Variants in MGAM2 observed in about 807,000 individuals in gnomAD.
The protein encoded by MGAM2 is maltase-glucoamylase 2 (putative), also known as probable maltase-glucoamylase 2.
MGAM2 carries 98 observed loss-of-function variants against 96.1 expected under a neutral mutation model. The observed-to-expected ratio is 1.02, with a 90% confidence interval of 0.87 to 1.21. The LOEUF is 1.21. Among genes scored for constraint, MGAM2 ranks in the 50% most tolerant of loss-of-function variants. The pLI, the probability that MGAM2 is intolerant of heterozygous loss-of-function variation, is 0.00. For synonymous variants in MGAM2, 749 were observed against 414.8 expected (o/e 1.81, Z -9.79); for missense variants, 2,055 against 1,182.4 (o/e 1.74, Z -10.82).
In MGAM2 at chr7:142,186,049, A is replaced by G; in HGVS notation, c.4048A>G (p.Lys1350Glu). 1.4e-6 allele frequency: 1 copy of G among 705,454 alleles called. No homozygotes were observed. Among genetic ancestry groups the G allele is most frequent in the Non-Finnish European group, 2.6e-6 (1 of 385,110 alleles). The allele number at this position is 705,454 out of a possible 1,614,324, so 43.7% of individuals were successfully genotyped here. A position where few individuals can be genotyped will look rare whatever the true frequency, so the allele number is the denominator to read the frequency against. ...FFRNSTAAWW[K>E]KEIEELYANP... is the part of the protein sequence containing the mutation. ...TCGTAATAGCACAGCTGCGTGGTGG[A>G]AGAAAGAGATAGAAGAGCTCTATGC... is the stretch of plus-strand genomic sequence containing the variant. The change falls in exon 35 of 48, where the codon AAG becomes GAG. Residue 1350 changes from lysine (K) to glutamate (E), a missense_variant. Transcript: ENST00000477922.
intron 37 of MGAM2, among the ~76,000 whole-genome samples, chr7:142,194,687 C>CGTGTGTGTGTGT (rs201949167): frequency 8.5e-6 from 1 of 118,162 alleles, no homozygotes; most frequent in Admixed American, 8.2e-5. Context: ...TTTAATAGAA[C>CGTGTGTGTGTGT]ATGTGTGTAT....
At chr7:142,184,846 A>G (rs1249373410) in intron 33 of MGAM2, among the ~76,000 whole-genome samples, 1 of 151,970 alleles carries the variant, frequency 6.6e-6, no homozygotes, top group Non-Finnish European at 1.5e-5. Context: ...AAAGAAATTC[A>G]GTTAATTATT....
At chr7:142,147,982 A>T (rs6954522) in intron 15 of MGAM2, among the ~76,000 whole-genome samples, 4 of 151,786 alleles carry the variant, frequency 2.6e-5, no homozygotes, top group Admixed American at 2.6e-4. Context: ...TTGGAATTTG[A>T]ATTTACCTGT....
chr7:142,175,782 T>C lies in MGAM2; in HGVS notation c.3816+2T>C. ...GGCATGAGATTTATTCTCATTTTGGTATGTATTGAGACAGATCAGATCCTA... is the reference window on the plus strand; with the variant it reads ...GGCATGAGATTTATTCTCATTTTGGCATGTATTGAGACAGATCAGATCCTA... On this transcript the variant is annotated splice_donor_variant, in intron 32 of 47. Coordinates refer to ENST00000477922, the MANE Select transcript of MGAM2 (RefSeq NM_001293626.2). LOFTEE classifies it high-confidence loss of function. 1.4e-6 allele frequency: 1 copy of C among 702,648 alleles called. No homozygotes were observed. Among genetic ancestry groups the C allele is most frequent in the Non-Finnish European group, 2.6e-6 (1 of 384,840 alleles). The allele number at this position is 702,648 out of a possible 1,614,324, so 43.5% of individuals were successfully genotyped here. A position where few individuals can be genotyped will look rare whatever the true frequency, so the allele number is the denominator to read the frequency against.
chr7:142,177,785 G>C (rs1421877422), intron 32 of MGAM2, among the ~76,000 whole-genome samples: 1 of 152,168 alleles, frequency 6.6e-6, no homozygotes, highest in Non-Finnish European at 1.5e-5. Flanking sequence ...GGGCTCCTGG[G>C]TTGACTTCAC....
intron 1 of MGAM2, among the ~76,000 whole-genome samples, chr7:142,114,212 A>G (rs62479380): frequency 0.024 from 2,593 of 106,382 alleles, 95 homozygotes; most frequent in East Asian, 0.061. Flanking sequence ...GAAAGAAAGA[A>G]AGAGAGAAAG....
chr7:142,205,224 G>C (rs1232587176), intron 45 of MGAM2, among the ~76,000 whole-genome samples: 14 of 152,016 alleles, frequency 9.2e-5, no homozygotes, highest in Non-Finnish European at 1.8e-4. Context: ...CATTTGGGTT[G>C]TTTCCACTTT....
rs575308372 is a variant in MGAM2, at chr7:142,180,199, A to G, written c.3817-3067A>G. ...TCTGTATATTTGTGTGATTGGGTGT[A>G]ATGTCATCTTTGTCATTTATGATTA... On this transcript the variant is annotated intron_variant, in intron 32 of 47. Transcript: ENST00000477922. 2.0e-5 allele frequency among the ~76,000 whole-genome samples: 3 copies of G among 152,206 alleles called. No individual in the cohort carries two copies. In the East Asian group the frequency reaches 5.8e-4, roughly 29 times the overall value.
chr7:142,154,215 C>G (rs567169212), intron 16 of MGAM2, 26 bp downstream of exon 16: 2 of 558,326 alleles, frequency 3.6e-6, no homozygotes, highest in Non-Finnish European at 6.6e-6. Flanking sequence ...AACCAGGGAA[C>G]TTTAACCCTT....
At chr7:142,185,447 A>C (rs764689295) in intron 34 of MGAM2, among the ~76,000 whole-genome samples, 1 of 152,186 alleles carries the variant, frequency 6.6e-6, no homozygotes, top group Non-Finnish European at 1.5e-5. Context: ...TTCTCACTAG[A>C]GGGGAATCCA....
At chr7:142,199,857 ACT>A (rs770920987) in intron 44 of MGAM2, 21 bp from the exon 45 acceptor site, 11 of 615,268 alleles carry the variant, frequency 1.8e-5, no homozygotes, top group South Asian at 8.6e-5. Flanking sequence ...GAGAAAAATA[ACT>A]CTTTTTTTTT....
At chr7:142,138,039 G>A (rs1795111142) in intron 9 of MGAM2, among the ~76,000 whole-genome samples, 1 of 152,118 alleles carries the variant, frequency 6.6e-6, no homozygotes. Flanking sequence ...ACATGGCAGA[G>A]CCCTGTCTCT....
At chr7:142,144,076 C>T in intron 13 of MGAM2, 194 bp downstream of exon 13, 1 of 391,138 alleles carries the variant, frequency 2.6e-6, no homozygotes, top group East Asian at 3.7e-5. Flanking sequence ...GGTTCTTATC[C>T]TGCATCTTTC....
intron 13 of MGAM2, among the ~76,000 whole-genome samples, chr7:142,144,300 G>A (rs1478837593): frequency 3.9e-5 from 6 of 152,286 alleles, no homozygotes; most frequent in Non-Finnish European, 8.8e-5. Context: ...TGTTCTCTGA[G>A]TGCCAATGTG....
At chr7:142,140,581 T>C (rs1795190527) in intron 10 of MGAM2, among the ~76,000 whole-genome samples, 1 of 152,196 alleles carries the variant, frequency 6.6e-6, no homozygotes, top group African/African-American at 2.4e-5. Flanking sequence ...CAATACCTTA[T>C]GACATGCACC....
chr7:142,207,466 C>A (rs1281122069), intron 45 of MGAM2, among the ~76,000 whole-genome samples: 1 of 151,974 alleles, frequency 6.6e-6, no homozygotes, highest in Non-Finnish European at 1.5e-5. Flanking sequence ...CACTCTGTCG[C>A]CCAGGCTGGA....
At position 142,143,896 on chromosome 7, in the gene MGAM2, C is replaced by T. The variant is rs992049622; in HGVS notation, c.1431+14C>T. 3 of 701,462 alleles carry T rather than the reference C, an allele frequency of 4.3e-6. No individual in the cohort carries two copies. The highest frequency in any genetic ancestry group is 5.2e-6 in the Non-Finnish European group (2 of 384,392). 43.5% of individuals were successfully genotyped at this position (701,462 alleles called of 1,614,324 possible). A position where few individuals can be genotyped will look rare whatever the true frequency, so the allele number is the denominator to read the frequency against. The stretch of plus-strand genomic sequence containing the variant: ...GGAGTGTGGATTGTAAGTTATTATT[C>T]CTGACTCAAATTTCCTTTGGAAACA... On this transcript the variant is annotated intron_variant, in intron 13 of 47. Coordinates refer to ENST00000477922, the MANE Select transcript of MGAM2 (RefSeq NM_001293626.2).
chr7:142,163,709 A>G (rs2129087461), intron 23 of MGAM2, among the ~76,000 whole-genome samples: 1 of 152,348 alleles, frequency 6.6e-6, no homozygotes, highest in African/African-American at 2.4e-5. Flanking sequence ...CACTTCCACC[A>G]GCAACATATG....
rs149382997 is a variant in MGAM2 at position 142,149,518 on chromosome 7, A to G, written c.1634+1945A>G. 1.5e-4 allele frequency among the ~76,000 whole-genome samples: 23 copies of G among 152,100 alleles called. No homozygotes were observed. The East Asian group carries it at 4.4e-3, about 29-fold the overall frequency. The stretch of plus-strand genomic sequence containing the variant: ...TTTTTAGACACAAATATCCAAAACA[A>G]TCTTCTGACGTTGTCTACTTGGATG... On this transcript the variant is annotated intron_variant, in intron 15 of 47. Coordinates refer to ENST00000477922, the MANE Select transcript of MGAM2 (RefSeq NM_001293626.2).
Sources: gnomAD v4.1 joint callset for allele counts (sites outside exome capture counted in the v4.1 genomes callset) on GRCh38, gnomAD v4.1.1 for gene constraint, MANE v1.5 for transcripts, NCBI Gene and HGNC (gene_info 2026-07-23, HGNC 2026-07-21) for gene names.